THADA: variants seen among roughly 807,000 people sequenced by gnomAD.
THADA encodes THADA armadillo repeat containing.
Under a neutral mutation model 219.8 loss-of-function variants are expected in THADA, and 213 were observed. That is an observed-to-expected ratio of 0.97 (90% CI 0.87 to 1.09). The LOEUF (loss-of-function observed/expected upper bound fraction) is 1.09, where lower values mean the gene tolerates loss of function less well. Among genes scored for constraint, THADA ranks in the 50% least tolerant of loss-of-function variants. THADA has a pLI of 0.00. For synonymous variants in THADA, 1,018 were observed against 828.9 expected (o/e 1.23, Z -3.92); for missense variants, 2,956 against 2,311.3 (o/e 1.28, Z -5.72).
At chr2:43,423,577 C>T (rs1160308232) in intron 28 of THADA, among the ~76,000 whole-genome samples, 1 of 151,966 alleles carries the variant, frequency 6.6e-6, no homozygotes, top group Non-Finnish European at 1.5e-5. Context: ...GGACTACAGG[C>T]GCCTGCCACT....
intron 31 of THADA, among the ~76,000 whole-genome samples, chr2:43,306,615 A>G (rs1558554085): frequency 1.3e-5 from 2 of 152,166 alleles, no homozygotes; most frequent in Admixed American, 6.5e-5. Context: ...GAGGGTCTGT[A>G]GAGTCTGAGA....
chr2:43,428,650 AT>A (rs1678824433), intron 27 of THADA, among the ~76,000 whole-genome samples: 1 of 152,108 alleles, frequency 6.6e-6, no homozygotes, highest in African/African-American at 2.4e-5. Context: ...AATCAAGGGG[AT>A]AGTTTTCCTT....
Position 43,231,205 on chromosome 2 carries a change from A to G in THADA, c.5605T>C (p.Cys1869Arg). The change falls in exon 38 of 38, where the codon TGT becomes CGT. Residue 1869 changes from cysteine to arginine, a missense_variant. Transcript: ENST00000405975. The stretch of plus-strand genomic sequence containing the variant: ...TCTGACACCATCCTTTGAAGGTGAC[A>G]GAGCATCTCAGGGCTTGGGGGACGC... ...GWRPPSPEML[C>R]HLQRMVSEQC... The G allele has an allele frequency of 6.2e-7, 1 of 1,613,944 alleles. No homozygotes were observed. Among genetic ancestry groups the G allele is most frequent in the South Asian group, 1.1e-5 (1 of 91,060 alleles).
At chr2:43,334,667 C>T (rs1329099471) in intron 30 of THADA, among the ~76,000 whole-genome samples, 4 of 151,594 alleles carry the variant, frequency 2.6e-5, no homozygotes, top group African/African-American at 4.8e-5. Flanking sequence ...CCCAGCTACT[C>T]GGGAGGCTCA....
chr2:43,314,564 A>C (rs1175029817), intron 31 of THADA, among the ~76,000 whole-genome samples: 2 of 152,242 alleles, frequency 1.3e-5, no homozygotes, highest in Non-Finnish European at 2.9e-5. Flanking sequence ...TTCTGTAAAC[A>C]GAAATTTCAA....
intron 24 of THADA, among the ~76,000 whole-genome samples, chr2:43,504,482 A>C (rs1689404256): frequency 6.6e-6 from 1 of 152,112 alleles, no homozygotes; most frequent in African/African-American, 2.4e-5. Flanking sequence ...AACACCTCCC[A>C]CAGGTTCTGA....
At chr2:43,406,517 T>G (rs1675551905) in intron 28 of THADA, among the ~76,000 whole-genome samples, 1 of 152,208 alleles carries the variant, frequency 6.6e-6, no homozygotes, top group Admixed American at 6.5e-5. Context: ...ACCAAATGTT[T>G]TAGACAGCTG....
chr2:43,445,980 C>T lies in THADA; in HGVS notation c.3837-15678G>A, dbSNP rs142591396. ...TTGGTCCTGGAAGAGCCCTGCCACG[C>T]CCCCTGTGAAGTCACTGGCCCAAAG... is the stretch of plus-strand genomic sequence containing the variant. On this transcript the variant is annotated intron_variant, in intron 26 of 37. Coordinates refer to ENST00000405975, the MANE Select transcript of THADA (RefSeq NM_022065.5). Among the ~76,000 whole-genome samples the T allele has an allele frequency of 3.3e-3, 505 of 152,292 alleles. 4 individuals are homozygous for T. The highest frequency in any genetic ancestry group is 0.011 in the African/African-American group (450 of 41,570).
At chr2:43,473,311 C>T (rs1013814005) in intron 26 of THADA, among the ~76,000 whole-genome samples, 1 of 151,896 alleles carries the variant, frequency 6.6e-6, no homozygotes, top group Admixed American at 6.6e-5. Flanking sequence ...AAAAAGAAAA[C>T]ATGAACATTA....
chr2:43,439,762 G>T (rs1424794509), intron 26 of THADA, among the ~76,000 whole-genome samples: 1 of 152,056 alleles, frequency 6.6e-6, no homozygotes, highest in African/African-American at 2.4e-5. Flanking sequence ...ATCCACTGGG[G>T]GTCTTGAAAA....
intron 31 of THADA, among the ~76,000 whole-genome samples, chr2:43,318,723 A>C (rs1427514781): frequency 6.6e-6 from 1 of 152,210 alleles, no homozygotes; most frequent in African/African-American, 2.4e-5. Flanking sequence ...AATACTGTTA[A>C]GTTATTAAAC....
At chr2:43,518,352 T>C (rs946981917) in intron 22 of THADA, among the ~76,000 whole-genome samples, 1 of 152,176 alleles carries the variant, frequency 6.6e-6, no homozygotes, top group Non-Finnish European at 1.5e-5. Flanking sequence ...GAGCCAGCAG[T>C]TGATGCAGCT....
intron 29 of THADA, among the ~76,000 whole-genome samples, chr2:43,392,266 A>G (rs886845674): frequency 6.6e-6 from 1 of 152,240 alleles, no homozygotes; most frequent in Admixed American, 6.5e-5. Flanking sequence ...AAAGATGGAA[A>G]TAATTCTTTT....
At chr2:43,324,493 C>T (rs967629519) in intron 30 of THADA, among the ~76,000 whole-genome samples, 1 of 152,226 alleles carries the variant, frequency 6.6e-6, no homozygotes, top group South Asian at 2.1e-4. Context: ...TGAGATGACT[C>T]TGAGTGAAAT....
chr2:43,287,011 G>A lies in THADA; in HGVS notation c.5061C>T (p.Ile1687=). The A allele has an allele frequency of 6.2e-7, 1 of 1,613,950 alleles. No homozygotes were observed. The highest frequency in any genetic ancestry group is 8.5e-7 in the Non-Finnish European group (1 of 1,179,866). The change falls in exon 35 of 38, where the codon ATC becomes ATT. Residue 1687 remains isoleucine (I), a synonymous_variant. Coordinates refer to ENST00000405975, the MANE Select transcript of THADA (RefSeq NM_022065.5). ...AELKQWVQLV[I]LSCEDHLPTE... is the part of the protein sequence containing the mutation. ...TAGGAAGATGGTCTTCACATGACAA[G>A]ATGACCAGCTGAACCCACTGCTTCA... is the stretch of plus-strand genomic sequence containing the variant.
At chr2:43,516,397 C>G (rs564595669) in intron 22 of THADA, among the ~76,000 whole-genome samples, 114 of 152,290 alleles carry the variant, frequency 7.5e-4, no homozygotes, top group African/African-American at 2.6e-3. Flanking sequence ...GCTCACACTA[C>G]TCCAGTCATA....
At chr2:43,492,110 C>CGA (rs1687710358) in intron 25 of THADA, 1 of 152,070 alleles carries the variant, frequency 6.6e-6, no homozygotes, top group South Asian at 2.1e-4. Context: ...GTCAGGAGTT[C>CGA]GAGACCAGCC....
rs375558518 is a variant in THADA, at chr2:43,541,286, G to A, written c.3137C>T (p.Ala1046Val). 29 of 1,612,840 alleles carry A rather than the reference G, an allele frequency of 1.8e-5. No homozygotes were observed. Among genetic ancestry groups the A allele is most frequent in the East Asian group, 6.7e-5 (3 of 44,846 alleles). Residue 1046 changes from alanine (A) to valine (V), a missense_variant, in exon 21 of 38, where the codon GCG becomes GTG. Physicochemically the swap from Ala to Val is moderately conservative, Grantham distance 64 (BLOSUM62 0). Transcript: ENST00000405975. ...CCAACAACATACCAGCACCATCTGC[G>A]CAGTTACATCACATGTTTTTACTTC... ...GKEVKTCDVT[A>V]QMVLVCCWRS... is the part of the protein sequence containing the mutation.
intron 30 of THADA, among the ~76,000 whole-genome samples, chr2:43,335,128 G>GCTC (rs1666262178): frequency 6.6e-6 from 1 of 152,142 alleles, no homozygotes; most frequent in Non-Finnish European, 1.5e-5. Context: ...AGGATCTCAG[G>GCTC]CTCCACCCAG....
Sources: gnomAD v4.1 joint callset for allele counts (sites outside exome capture counted in the v4.1 genomes callset) on GRCh38, gnomAD v4.1.1 for gene constraint, MANE v1.5 for transcripts, NCBI Gene and HGNC (gene_info 2026-07-23, HGNC 2026-07-21) for gene names.